Variants in PRKAR2B observed in about 807,000 individuals in gnomAD.
PRKAR2B encodes protein kinase cAMP-dependent type II regulatory subunit beta.
Under a neutral mutation model 49.9 loss-of-function variants are expected in PRKAR2B, and 14 were observed. The ratio of observed to expected loss-of-function variants is 0.28; its 90% confidence interval spans 0.19 to 0.44. The LOEUF (loss-of-function observed/expected upper bound fraction) is 0.44, where lower values mean the gene tolerates loss of function less well. PRKAR2B is among the 20% of genes least tolerant of loss of function. The probability of loss-of-function intolerance (pLI) is 1.00; values close to 1 mark genes in which losing one functional copy is unlikely to be tolerated. For synonymous variants in PRKAR2B, 196 were observed against 197.7 expected, an observed-to-expected ratio of 0.99 and a Z score of 0.07; for missense variants, 393 against 537.9, an observed-to-expected ratio of 0.73 and a Z score of 2.67.
chr7:107,081,939 C>A (rs1794522425), intron 2 of PRKAR2B: 2 of 152,126 alleles, frequency 1.3e-5, no homozygotes, highest in African/African-American at 4.8e-5. Context: ...TTATAGCTCC[C>A]CTTTAAAAAC....
At chr7:107,092,873 C>G (rs1269119219) in intron 2 of PRKAR2B, among the ~76,000 whole-genome samples, 2 of 152,146 alleles carry the variant, frequency 1.3e-5, no homozygotes, top group Non-Finnish European at 2.9e-5. Flanking sequence ...AAATACTTAA[C>G]TCCTCATTCC....
At chr7:107,102,393 G>T (rs1312858693) in intron 2 of PRKAR2B, among the ~76,000 whole-genome samples, 2 of 152,156 alleles carry the variant, frequency 1.3e-5, no homozygotes, top group Admixed American at 1.3e-4. Flanking sequence ...ATTAAGAGTG[G>T]GTATAAATAC....
intron 1 of PRKAR2B, chr7:107,067,310 A>G (rs1403370618): frequency 6.6e-6 from 1 of 152,178 alleles, no homozygotes; most frequent in Non-Finnish European, 1.5e-5. Flanking sequence ...TTGTACAGGA[A>G]ACATTTGTGT....
chr7:107,062,726 G>C (rs1362709448), intron 1 of PRKAR2B, among the ~76,000 whole-genome samples: 1 of 151,624 alleles, frequency 6.6e-6, no homozygotes, highest in Non-Finnish European at 1.5e-5. Flanking sequence ...TTGGAAATGT[G>C]GACACTCTTG....
At chr7:107,117,392 C>G (rs979132054) in intron 2 of PRKAR2B, among the ~76,000 whole-genome samples, 3 of 152,108 alleles carry the variant, frequency 2.0e-5, no homozygotes, top group Non-Finnish European at 4.4e-5. Context: ...TTATTGAGAA[C>G]ATTGGCAAAT....
At position 107,061,375 on chromosome 7, in the gene PRKAR2B, A is replaced by G. The variant is rs1262800201; in HGVS notation, c.308-8906A>G. On this transcript the variant is annotated intron_variant, in intron 1 of 10. Coordinates refer to ENST00000265717, the MANE Select transcript of PRKAR2B (RefSeq NM_002736.3). The stretch of plus-strand genomic sequence containing the variant: ...GTCTTCCTATCCATGAACATGATAT[A>G]TCTCCCTTTATTCAGTCTTCCTTTC... Among the ~76,000 whole-genome samples, 5 of 152,312 alleles carry G rather than the reference A, an allele frequency of 3.3e-5. No homozygotes were observed. In the South Asian group the frequency reaches 6.2e-4, roughly 19 times the overall value.
At chr7:107,066,301 G>GGGTGTGTGTGTGT (rs147673007) in intron 1 of PRKAR2B, among the ~76,000 whole-genome samples, 2 of 145,512 alleles carry the variant, frequency 1.4e-5, no homozygotes, top group African/African-American at 5.2e-5. Context: ...CTCTATGTGG[G>GGGTGTGTGTGTGT]GTGTGTGTGT....
In PRKAR2B at chr7:107,159,709, C is replaced by T. The variant is rs961589725; in HGVS notation, c.*127C>T. ...AGGTTTTTTCCTTTTTTTACATTTA[C>T]AACGTATCAATAAACAGTAGTGATT... On this transcript the variant is annotated 3_prime_UTR_variant, in exon 11 of 11. Coordinates refer to ENST00000265717, the MANE Select transcript of PRKAR2B (RefSeq NM_002736.3). The T allele has an allele frequency of 8.5e-6, 8 of 943,328 alleles. No individual in the cohort carries two copies. The South Asian group carries it at 1.1e-4, about 13-fold the overall frequency. 58.4% of individuals were successfully genotyped at this position (943,328 alleles called of 1,614,324 possible).
intron 1 of PRKAR2B, among the ~76,000 whole-genome samples, chr7:107,049,698 G>A (rs1326630692): frequency 1.3e-5 from 2 of 152,014 alleles, no homozygotes; most frequent in Non-Finnish European, 2.9e-5. Flanking sequence ...GGTGAAGCAG[G>A]GAATGAGCTT....
At chr7:107,074,407 T>A (rs1335268719) in intron 2 of PRKAR2B, among the ~76,000 whole-genome samples, 1 of 152,078 alleles carries the variant, frequency 6.6e-6, no homozygotes, top group African/African-American at 2.4e-5. Flanking sequence ...CCCGGCCACA[T>A]AATCCATTTT....
intron 2 of PRKAR2B, among the ~76,000 whole-genome samples, chr7:107,075,337 G>A (rs941861614): frequency 4.6e-5 from 7 of 151,570 alleles, no homozygotes; most frequent in South Asian, 2.1e-4. Flanking sequence ...TCCTGACCTC[G>A]TGATCCGCCC....
At chr7:107,060,249 C>A (rs1168341962) in intron 1 of PRKAR2B, among the ~76,000 whole-genome samples, 1 of 151,926 alleles carries the variant, frequency 6.6e-6, no homozygotes, top group Non-Finnish European at 1.5e-5. Flanking sequence ...GGGTATGTAC[C>A]TAAGTGTGGA....
intron 6 of PRKAR2B, among the ~76,000 whole-genome samples, chr7:107,149,039 G>A (rs1364534045): frequency 1.3e-5 from 2 of 152,112 alleles, no homozygotes; most frequent in South Asian, 2.1e-4. Context: ...TCCATACAAT[G>A]GTGTTATACC....
intron 2 of PRKAR2B, among the ~76,000 whole-genome samples, chr7:107,095,751 T>G (rs1007634497): frequency 6.6e-6 from 1 of 152,226 alleles, no homozygotes; most frequent in Admixed American, 6.5e-5. Flanking sequence ...TCTGCATCTA[T>G]TGAGATAATC....
intron 2 of PRKAR2B, among the ~76,000 whole-genome samples, chr7:107,120,684 G>T (rs1795370735): frequency 6.6e-6 from 1 of 152,118 alleles, no homozygotes. Context: ...GTCAAAAGCA[G>T]TGATACTTCT....
At chr7:107,076,917 A>T (rs965163982) in intron 2 of PRKAR2B, among the ~76,000 whole-genome samples, 1 of 152,242 alleles carries the variant, frequency 6.6e-6, no homozygotes, top group Non-Finnish European at 1.5e-5. Flanking sequence ...GCAGAAGTTC[A>T]CATCTTGTCT....
At chr7:107,116,596 C>T (rs1308214831) in intron 2 of PRKAR2B, among the ~76,000 whole-genome samples, 2 of 151,980 alleles carry the variant, frequency 1.3e-5, no homozygotes, top group Non-Finnish European at 2.9e-5. Flanking sequence ...ATGTCATCCC[C>T]CACATTTCAA....
chr7:107,107,788 G>T (rs1485192977), intron 2 of PRKAR2B, among the ~76,000 whole-genome samples: 1 of 152,064 alleles, frequency 6.6e-6, no homozygotes, highest in East Asian at 1.9e-4. Flanking sequence ...CTCCTGAGTA[G>T]CTGGGACTAT....
At chr7:107,136,151 A>G (rs920585706) in intron 4 of PRKAR2B, among the ~76,000 whole-genome samples, 5 of 152,188 alleles carry the variant, frequency 3.3e-5, no homozygotes, top group African/African-American at 1.2e-4. Context: ...AGAAATGGAC[A>G]TTTTATTTTT....
Sources: gnomAD v4.1 joint callset for allele counts (sites outside exome capture counted in the v4.1 genomes callset) on GRCh38, gnomAD v4.1.1 for gene constraint, MANE v1.5 for transcripts, NCBI Gene and HGNC (gene_info 2026-07-23, HGNC 2026-07-21) for gene names.